The following AMOT variants were observed in gnomAD, a reference collection of about 807,000 sequenced individuals.
The protein encoded by AMOT is angiomotin.
In AMOT, 11 loss-of-function variants were observed where a neutral mutation model predicts 67.0. That is an observed-to-expected ratio of 0.16 (90% confidence interval 0.10 to 0.27). AMOT has a LOEUF of 0.27. AMOT is among the 10% of genes least tolerant of loss of function. The pLI is 1.00. For missense variants in AMOT, 753 were observed against 852.0 expected (o/e 0.88, Z 1.45); for synonymous variants, 326 against 321.4 (o/e 1.01, Z -0.15).
At chrX:112,803,118 T>C (rs1474507901) in intron 8 of AMOT, among the ~76,000 whole-genome samples, 2 of 111,359 alleles carry the variant, frequency 1.8e-5, no homozygotes, top group Non-Finnish European at 3.8e-5. Flanking sequence ...AGTGAAGAAA[T>C]TTTTAAAAAA....
At chrX:112,787,525 G>A (rs923623529) in intron 10 of AMOT, among the ~76,000 whole-genome samples, 12 of 111,804 alleles carry the variant, frequency 1.1e-4, no homozygotes, top group Admixed American at 2.8e-4. Context: ...GGGAGGAAGC[G>A]ATCAAATTCA....
intron 10 of AMOT, 149 bp from the exon 11 acceptor site, chrX:112,782,811 A>T (rs774704137): frequency 2.8e-6 from 2 of 710,857 alleles, no homozygotes; most frequent in African/African-American, 4.4e-5. Context: ...ACTAACCCGT[A>T]AGAGCCTCCA....
At chrX:112,797,586 G>A (rs1933868440) in intron 8 of AMOT, among the ~76,000 whole-genome samples, 1 of 111,760 alleles carries the variant, frequency 8.9e-6, no homozygotes. Context: ...TTCGGGACCA[G>A]CCTGCCCAAC....
intron 7 of AMOT, among the ~76,000 whole-genome samples, chrX:112,805,418 G>C (rs999942731): frequency 2.0e-5 from 2 of 99,638 alleles, no homozygotes; most frequent in Non-Finnish European, 4.1e-5. Flanking sequence ...CACACACACA[G>C]AGCCCTCAGA....
chrX:112,781,436 T>G (rs1602749434), intron 11 of AMOT, among the ~76,000 whole-genome samples: 1 of 63,745 alleles, frequency 1.6e-5, no homozygotes, highest in Non-Finnish European at 2.6e-5. Context: ...CAAGACTGAC[T>G]CCATCTCAAA....
rs1324919699 is a variant in AMOT, at chrX:112,791,870, G to A, written c.1888C>T (p.Arg630Ter). The change falls in exon 9 of 14, where the codon CGA (arginine) becomes TGA (stop). Residue 630 changes from arginine to a stop codon, truncating the protein, a stop_gained. Transcript: ENST00000371959. LOFTEE classifies it high-confidence loss of function. The part of the protein sequence containing the change: ...REQLEHRLRT[R>*]LERELESLRI... ...AGGGATTCCAGTTCCCTCTCCAGTC[G>A]TGTCCGGAGACGGTGCTCTAGCTGC... is the stretch of plus-strand genomic sequence containing the variant. The A allele has an allele frequency of 8.3e-7, 1 of 1,209,323 alleles. No homozygotes were observed.
intron 4 of AMOT, among the ~76,000 whole-genome samples, chrX:112,820,957 A>G (rs1179244266): frequency 5.1e-5 from 5 of 97,882 alleles, no homozygotes; most frequent in African/African-American, 2.3e-4. Context: ...TTAAGAGGGA[A>G]AAAAAAAAAA....
intron 2 of AMOT, among the ~76,000 whole-genome samples, chrX:112,830,934 C>A (rs1437257311): frequency 1.8e-5 from 2 of 111,257 alleles, no homozygotes; most frequent in East Asian, 2.8e-4. Context: ...GTTTTTAGAT[C>A]CCAATCTTCA....
intron 4 of AMOT, among the ~76,000 whole-genome samples, chrX:112,817,684 A>C (rs752553761): frequency 8.9e-6 from 1 of 112,267 alleles, no homozygotes; most frequent in South Asian, 3.8e-4. Flanking sequence ...ACATTCTTCC[A>C]ATCACATACA....
intron 4 of AMOT, among the ~76,000 whole-genome samples, chrX:112,821,355 C>A (rs1399103621): frequency 2.7e-5 from 3 of 111,274 alleles, no homozygotes; most frequent in Non-Finnish European, 5.7e-5. Context: ...TGGTTTAAAC[C>A]TTTTCTCCTG....
intron 8 of AMOT, 49 bp downstream of exon 8, chrX:112,804,898 T>TTGCCCCCCC: frequency 3.1e-5 from 26 of 837,499 alleles, no homozygotes; most frequent in Non-Finnish European, 4.0e-5. Flanking sequence ...GTCCCCGATT[T>TTGCCCCCCC]CCCAGCCCTC....
At chrX:112,838,388 C>T (rs563742493) in intron 1 of AMOT, among the ~76,000 whole-genome samples, 11 of 112,102 alleles carry the variant, frequency 9.8e-5, no homozygotes, top group South Asian at 3.7e-4. Flanking sequence ...TTAAAGAAGG[C>T]GCAGGCCCTG....
Position 112,796,273 on chromosome X carries a change from C to T in AMOT, c.1777-4292G>A, listed in dbSNP as rs189895262. ...AGAGACATACTATATAATGTGTGTTCTTGTCATAAGACCCTAGATGATTTA... is the reference window on the plus strand; with the variant it reads ...AGAGACATACTATATAATGTGTGTTTTTGTCATAAGACCCTAGATGATTTA... On this transcript the variant is annotated intron_variant, in intron 8 of 13. Coordinates refer to ENST00000371959, the MANE Select transcript of AMOT (RefSeq NM_001113490.2). Among the ~76,000 whole-genome samples the T allele has an allele frequency of 4.5e-5, 5 of 112,122 alleles. No homozygotes were observed. The Admixed American group carries it at 4.7e-4, about 11-fold the overall frequency.
At chrX:112,814,254 A>G (rs1176840611) in intron 5 of AMOT, among the ~76,000 whole-genome samples, 1 of 108,142 alleles carries the variant, frequency 9.2e-6, no homozygotes, top group Non-Finnish European at 1.9e-5. Context: ...GCTAGGTAAC[A>G]AGAGCGAGAC....
chrX:112,788,826 A>G (rs1326090986), intron 10 of AMOT, among the ~76,000 whole-genome samples: 1 of 112,564 alleles, frequency 8.9e-6, no homozygotes, highest in African/African-American at 3.2e-5. Flanking sequence ...ATTTTGCCAA[A>G]AACAGTGATT....
intron 8 of AMOT, among the ~76,000 whole-genome samples, chrX:112,795,538 T>TA (rs1023437908): frequency 1.8e-5 from 2 of 111,525 alleles, no homozygotes; most frequent in African/African-American, 6.5e-5. Flanking sequence ...ATAGCTGCCT[T>TA]ACAGCTACAA....
chrX:112,785,977 T>G (rs758517972), intron 10 of AMOT, among the ~76,000 whole-genome samples: 1 of 112,343 alleles, frequency 8.9e-6, no homozygotes, highest in East Asian at 2.8e-4. Flanking sequence ...GGTTTTGATT[T>G]TAGGTACACT....
chrX:112,810,083 G>C, intron 6 of AMOT, 97 bp from the exon 7 acceptor site: 1 of 649,231 alleles, frequency 1.5e-6, no homozygotes. Flanking sequence ...AAACAAGCCT[G>C]TTTCTTCTTG....
chrX:112,777,310 C>G lies in AMOT; in HGVS notation c.*1257G>C, dbSNP rs1331660020. 9.0e-6 allele frequency: 1 copy of G among 111,672 alleles called. No individual in the cohort carries two copies. The highest frequency in any genetic ancestry group is 3.3e-5 in the African/African-American group (1 of 30,646). The allele number at this position is 111,672 out of a possible 1,213,427, so 9.2% of individuals were successfully genotyped here. A position where few individuals can be genotyped will look rare whatever the true frequency, so the allele number is the denominator to read the frequency against. ...GGCAGCCCTATGGCAAGGCTTGGAG[C>G]CATTGCCTCCTTTGATCTCTACCCA... On this transcript the variant is annotated 3_prime_UTR_variant, in exon 14 of 14. Transcript: ENST00000371959.
Sources: allele counts gnomAD v4.1 joint callset (sites outside exome capture counted in the v4.1 genomes callset), GRCh38; gene constraint gnomAD v4.1.1; transcripts MANE v1.5; gene names NCBI Gene and HGNC (gene_info 2026-07-23, HGNC 2026-07-21).